The following RNPS1 variants were observed in gnomAD, a reference collection of about 807,000 sequenced individuals.
RNPS1 encodes the protein RNA-binding protein with serine-rich domain 1.
For missense variants in RNPS1, 300 were observed against 427.6 expected, an observed-to-expected ratio of 0.70 and a Z score of 2.63; for synonymous variants, 147 against 150.0, an observed-to-expected ratio of 0.98 and a Z score of 0.15.
intron 6 of RNPS1, among the ~76,000 whole-genome samples, chr16:2,259,195 T>G (rs1162098272): frequency 3.2e-4 from 48 of 152,164 alleles, no homozygotes; most frequent in Admixed American, 3.1e-3. Flanking sequence ...TTTGGCTTAT[T>G]TGGTACCAAA....
chr16:2,264,546 A>G (rs1366550999), intron 2 of RNPS1, 27 bp downstream of exon 2: 2 of 1,607,858 alleles, frequency 1.2e-6, no homozygotes, highest in Non-Finnish European at 1.7e-6. Flanking sequence ...CCCAAGTAGC[A>G]CTAGAAAAAT....
chr16:2,265,020 T>C (rs754583464), intron 1 of RNPS1: 11 of 199,004 alleles, frequency 5.5e-5, no homozygotes, highest in Non-Finnish European at 1.1e-4. Context: ...ATCACTGTTA[T>C]TTTACAGGCT....
intron 6 of RNPS1, chr16:2,258,218 TAAAGG>T (rs1219297065): frequency 3.3e-5 from 5 of 152,232 alleles, no homozygotes; most frequent in African/African-American, 1.2e-4. Context: ...CAGAAATGAT[TAAAGG>T]AAATATTCCC....
At chr16:2,261,304 T>C (rs1480770906) in intron 6 of RNPS1, among the ~76,000 whole-genome samples, 1 of 152,182 alleles carries the variant, frequency 6.6e-6, no homozygotes, top group Non-Finnish European at 1.5e-5. Flanking sequence ...AACCTACTTC[T>C]ATGTGTGGCT....
rs770564782 is a variant in RNPS1 at position 2,263,101 on chromosome 16, G to A, written c.414C>T (p.Arg138=). 1 of 1,612,372 alleles carries A rather than the reference G, an allele frequency of 6.2e-7. No homozygotes were observed. Residue 138 remains arginine (R), a synonymous_variant, in exon 4 of 8, where the codon CGC becomes CGT. Transcript: ENST00000320225. ...RRRHDNRRRS[R]SKSKPPKRDE... Reference sequence around the variant, plus strand: ...CCCAGGCGCAGGGCACTCACTTGGAGCGGGAGCGCCTCCTGTTGTCGTGTC... The same window carrying A: ...CCCAGGCGCAGGGCACTCACTTGGAACGGGAGCGCCTCCTGTTGTCGTGTC...
chr16:2,267,789 C>G lies in RNPS1; in HGVS notation c.-118+266G>C, dbSNP rs2093631318. ...CCGCGCTCCCCGCTGGTCTGAGTCC[C>G]GCGGGCCTGGCTGGGCCACCGCCGA... On this transcript the variant is annotated intron_variant, in intron 1 of 7. Transcript: ENST00000320225. 16 of 1,401,916 alleles carry G rather than the reference C, an allele frequency of 1.1e-5. No individual in the cohort carries two copies. In the South Asian group the frequency reaches 2.4e-4, roughly 21 times the overall value. The allele number at this position is 1,401,916 out of a possible 1,614,324, so 86.8% of individuals were successfully genotyped here.
chr16:2,257,268 G>T (rs1201599341), intron 6 of RNPS1: 1 of 152,140 alleles, frequency 6.6e-6, no homozygotes. Flanking sequence ...GCCCTAAGGG[G>T]TAAAGGGCTC....
chr16:2,264,884 ACAGT>A (rs919613814), intron 1 of RNPS1, 124 bp from the exon 2 acceptor site: 2 of 686,786 alleles, frequency 2.9e-6, no homozygotes, highest in African/African-American at 3.6e-5. Context: ...AAGTGTCCAC[ACAGT>A]CAGGAACACA....
Position 2,255,805 on chromosome 16 carries a change from C to T in RNPS1, c.677-79G>A, listed in dbSNP as rs981970859. The T allele has an allele frequency of 4.2e-6, 6 of 1,435,018 alleles. No homozygotes were observed. The South Asian group carries it at 7.2e-5, about 17-fold the overall frequency. 88.9% of individuals were successfully genotyped at this position (1,435,018 alleles called of 1,614,324 possible). On this transcript the variant is annotated intron_variant, in intron 6 of 7. Transcript: ENST00000320225. ...AATGCATGCCACAGTGAAAGACAGG[C>T]CTGGGGGGACAATGACAATGTAAGA...
chr16:2,262,563 G>A, intron 5 of RNPS1, 132 bp from the exon 6 acceptor site: 1 of 1,076,700 alleles, frequency 9.3e-7, no homozygotes, highest in Non-Finnish European at 1.4e-6. Context: ...GTGTTGTTCT[G>A]GGATAAATCT....
intron 7 of RNPS1, among the ~76,000 whole-genome samples, chr16:2,255,216 G>A (rs926152697): frequency 6.6e-6 from 1 of 152,132 alleles, no homozygotes. Flanking sequence ...GGCCTCTGCC[G>A]AGGGATTACC....
At chr16:2,264,015 C>G in intron 3 of RNPS1, 161 bp downstream of exon 3, 1 of 832,948 alleles carries the variant, frequency 1.2e-6, no homozygotes. Flanking sequence ...TAGGCATGAG[C>G]CACCACTGCA....
chr16:2,266,789 A>G, intron 1 of RNPS1: 1 of 760,642 alleles, frequency 1.3e-6, no homozygotes, highest in Non-Finnish European at 1.6e-6. Context: ...GGGTGAAATT[A>G]ATTTTTAACG....
intron 7 of RNPS1, among the ~76,000 whole-genome samples, chr16:2,254,532 C>T (rs1182345527): frequency 1.2e-4 from 18 of 151,772 alleles, no homozygotes; most frequent in Middle Eastern, 3.4e-3. Flanking sequence ...CTCCTGACCT[C>T]GTGTTCCGCC....
chr16:2,261,129 C>CA (rs531553229), intron 6 of RNPS1, among the ~76,000 whole-genome samples: 349 of 124,894 alleles, frequency 2.8e-3, no homozygotes, highest in South Asian at 4.3e-3. Flanking sequence ...GACTCCGTCT[C>CA]AAAAAAAAAA....
At chr16:2,264,857 G>T in intron 1 of RNPS1, 97 bp from the exon 2 acceptor site, 1 of 1,010,350 alleles carries the variant, frequency 9.9e-7, no homozygotes, top group Non-Finnish European at 1.4e-6. Context: ...AGGCAGCAAG[G>T]GAGCACGGTA....
chr16:2,255,770 T>C (rs2093575392), intron 6 of RNPS1, 44 bp from the exon 7 acceptor site: 2 of 1,594,660 alleles, frequency 1.3e-6, no homozygotes, highest in Non-Finnish European at 1.7e-6. Flanking sequence ...AACAAGCATC[T>C]ACCCTAGACA....
At chr16:2,255,234 C>T (rs1331140999) in intron 7 of RNPS1, among the ~76,000 whole-genome samples, 1 of 152,208 alleles carries the variant, frequency 6.6e-6, no homozygotes, top group Non-Finnish European at 1.5e-5. Flanking sequence ...ACCACCCCCG[C>T]CCCACAACTC....
intron 3 of RNPS1, among the ~76,000 whole-genome samples, chr16:2,263,737 C>T (rs1024718207): frequency 1.1e-4 from 17 of 152,096 alleles, no homozygotes; most frequent in Admixed American, 3.3e-4. Flanking sequence ...CTCAGCCTCC[C>T]GAGTAGCTGG....
Sources: gnomAD v4.1 joint callset for allele counts (sites outside exome capture counted in the v4.1 genomes callset) on GRCh38, gnomAD v4.1.1 for gene constraint, MANE v1.5 for transcripts, NCBI Gene and HGNC (gene_info 2026-07-23, HGNC 2026-07-21) for gene names.